Variants in CARMIL1 observed in about 807,000 individuals in gnomAD.
CARMIL1 encodes the protein F-actin-uncapping protein LRRC16A.
In CARMIL1, 90 loss-of-function variants were observed where a neutral mutation model predicts 177.1. The observed-to-expected ratio is 0.51, with a 90% CI of 0.43 to 0.61. The LOEUF is 0.61. Among genes scored for constraint, CARMIL1 ranks in the 20% least tolerant of loss-of-function variants. CARMIL1 has a pLI of 0.00. For synonymous variants in CARMIL1, 577 were observed against 606.2 expected (o/e 0.95, Z 0.71); for missense variants, 1,380 against 1,667.0 (o/e 0.83, Z 3.00).
intron 23 of CARMIL1, among the ~76,000 whole-genome samples, chr6:25,524,731 CAGACAACATGCA>C (rs1319714858): frequency 2.0e-5 from 3 of 151,910 alleles, no homozygotes; most frequent in African/African-American, 7.3e-5. Flanking sequence ...GTGGAAAAAG[CAGACAACATGCA>C]AGAACAGATG....
chr6:25,532,013 C>T (rs1313926886), intron 24 of CARMIL1, among the ~76,000 whole-genome samples: 1 of 152,134 alleles, frequency 6.6e-6, no homozygotes, highest in Non-Finnish European at 1.5e-5. Flanking sequence ...TCAAGTGATC[C>T]ACCCACCTTG....
At chr6:25,431,338 G>A (rs1352358569) in intron 4 of CARMIL1, among the ~76,000 whole-genome samples, 2 of 151,914 alleles carry the variant, frequency 1.3e-5, no homozygotes, top group African/African-American at 4.8e-5. Context: ...TGTCAAAATT[G>A]TCACTATGTT....
At chr6:25,568,281 C>T (rs905652875) in intron 29 of CARMIL1, among the ~76,000 whole-genome samples, 2 of 152,120 alleles carry the variant, frequency 1.3e-5, no homozygotes, top group East Asian at 3.8e-4. Context: ...CTATTTTAGG[C>T]AGCAGATTTA....
chr6:25,358,854 TGA>T (rs1419398887), intron 2 of CARMIL1, among the ~76,000 whole-genome samples: 1 of 152,180 alleles, frequency 6.6e-6, no homozygotes, highest in Non-Finnish European at 1.5e-5. Context: ...CATAACAACT[TGA>T]GAAGGATTCA....
At chr6:25,482,205 A>G in intron 11 of CARMIL1, 52 bp from the exon 12 acceptor site, 1 of 869,738 alleles carries the variant, frequency 1.1e-6, no homozygotes, top group Non-Finnish European at 1.9e-6. Flanking sequence ...CATTGTAAAA[A>G]ATGCAATTCT....
At chr6:25,360,185 A>G (rs1236828482) in intron 2 of CARMIL1, among the ~76,000 whole-genome samples, 1 of 152,196 alleles carries the variant, frequency 6.6e-6, no homozygotes, top group Non-Finnish European at 1.5e-5. Context: ...AATCCTATTA[A>G]TAGAACATTG....
intron 2 of CARMIL1, among the ~76,000 whole-genome samples, chr6:25,304,959 C>T (rs1783148988): frequency 6.6e-6 from 1 of 152,080 alleles, no homozygotes; most frequent in African/African-American, 2.4e-5. Flanking sequence ...GGTTAAAATC[C>T]AATTAGGAGG....
chr6:25,451,985 T>TGGGGGGGGGGGGGGGGGGGGGGC, intron 8 of CARMIL1: 1 of 105,384 alleles, frequency 9.5e-6, no homozygotes, highest in Non-Finnish European at 1.8e-5. Flanking sequence ...ACTAGCATCT[T>TGGGGGGGGGGGGGGGGGGGGGGC]GCCCCCCCCT....
intron 2 of CARMIL1, among the ~76,000 whole-genome samples, chr6:25,347,988 C>T (rs367787690): frequency 5.3e-4 from 81 of 152,226 alleles, no homozygotes; most frequent in African/African-American, 1.9e-3. Flanking sequence ...TTAATGTCAT[C>T]GATAGGGTCT....
intron 8 of CARMIL1, among the ~76,000 whole-genome samples, chr6:25,463,788 C>A (rs1226934630): frequency 1.3e-5 from 2 of 150,182 alleles, no homozygotes; most frequent in Non-Finnish European, 3.0e-5. Context: ...AGAGGGAAGA[C>A]CATAAAATAA....
chr6:25,280,915 T>C (rs1280024900), intron 1 of CARMIL1, among the ~76,000 whole-genome samples: 1 of 152,120 alleles, frequency 6.6e-6, no homozygotes, highest in East Asian at 1.9e-4. Context: ...ATGTGTGGAA[T>C]TTGCCCCTCT....
At chr6:25,305,652 C>T (rs911292173) in intron 2 of CARMIL1, among the ~76,000 whole-genome samples, 14 of 152,300 alleles carry the variant, frequency 9.2e-5, no homozygotes, top group South Asian at 2.1e-4. Flanking sequence ...TTTCATCACA[C>T]GGAAACTATT....
intron 29 of CARMIL1, among the ~76,000 whole-genome samples, chr6:25,573,403 C>G (rs1812285343): frequency 6.6e-6 from 1 of 151,970 alleles, no homozygotes; most frequent in Non-Finnish European, 1.5e-5. Context: ...GCCTACACAC[C>G]TGTTTCTATT....
chr6:25,462,790 G>A (rs376437804), intron 8 of CARMIL1, among the ~76,000 whole-genome samples: 2 of 152,066 alleles, frequency 1.3e-5, no homozygotes, highest in East Asian at 1.9e-4. Context: ...CTCGTCTTTC[G>A]TTGTATTACA....
rs182928962 is a variant in CARMIL1 at position 25,509,901 on chromosome 6, A to G, written c.1477+164A>G. Among the ~76,000 whole-genome samples, 75 of 152,292 alleles carry G rather than the reference A, an allele frequency of 4.9e-4. No individual in the cohort carries two copies. The highest frequency in any genetic ancestry group is 1.6e-3 in the African/African-American group (66 of 41,580). The stretch of plus-strand genomic sequence containing the variant: ...AAATTTAACAATGGGGTATATTTGT[A>G]GAATAGATCTGTGCCAGAGTCTTAC... On this transcript the variant is annotated intron_variant, in intron 18 of 36. Transcript: ENST00000329474. The surrounding 1 kb of genome is among the most constrained non-coding windows in gnomAD (Gnocchi z 4.1).
At chr6:25,362,629 G>A (rs9348673) in intron 2 of CARMIL1, among the ~76,000 whole-genome samples, 12,140 of 152,148 alleles carry the variant, frequency 0.08, 717 homozygotes, top group East Asian at 0.27. Flanking sequence ...AGCTGAGATC[G>A]TGCTATTGCA....
chr6:25,288,440 CTG>C (rs1295662423), intron 2 of CARMIL1, among the ~76,000 whole-genome samples: 1 of 149,518 alleles, frequency 6.7e-6, no homozygotes, highest in Non-Finnish European at 1.5e-5. Flanking sequence ...TGGGTTCACA[CTG>C]TTGCTCAGTA....
chr6:25,422,550 A>G (rs1365997555), intron 3 of CARMIL1, among the ~76,000 whole-genome samples: 1 of 152,176 alleles, frequency 6.6e-6, no homozygotes, highest in Non-Finnish European at 1.5e-5. Context: ...GCCCCTTTAG[A>G]TAATATAAAA....
chr6:25,601,317 C>T (rs1048059096), intron 33 of CARMIL1, among the ~76,000 whole-genome samples: 5 of 152,156 alleles, frequency 3.3e-5, no homozygotes, highest in Admixed American at 2.0e-4. Context: ...TTGAAGACTC[C>T]GGTCTTTCCC....
Sources: gnomAD v4.1 joint callset for allele counts (sites outside exome capture counted in the v4.1 genomes callset) on GRCh38, gnomAD v4.1.1 for gene constraint, Gnocchi (gnomAD v3.1) non-coding constraint, MANE v1.5 for transcripts, NCBI Gene and HGNC (gene_info 2026-07-23, HGNC 2026-07-21) for gene names.